Variants in PCDHA5 observed in about 807,000 individuals in gnomAD.
PCDHA5 encodes protocadherin alpha 5.
A neutral mutation model predicts 61.6 loss-of-function variants in PCDHA5; 43 were observed. The observed-to-expected ratio is 0.70, with a 90% CI of 0.55 to 0.90. The LOEUF is 0.90. Among genes scored for constraint, PCDHA5 ranks in the 40% least tolerant of loss-of-function variants. The pLI is 0.00. For missense variants in PCDHA5, 1,298 were observed against 1,222.7 expected (o/e 1.06, Z -0.92); for synonymous variants, 627 against 543.9 (o/e 1.15, Z -2.13).
At chr5:140,863,248 G>T (rs782700291) in intron 1 of PCDHA5, 54 of 1,395,948 alleles carry the variant, frequency 3.9e-5, no homozygotes, top group Middle Eastern at 1.9e-4. Flanking sequence ...TTTGGCGGGC[G>T]TCGAGGTCCG....
At chr5:140,876,368 CA>C in intron 1 of PCDHA5, 1 of 1,613,904 alleles carries the variant, frequency 6.2e-7, no homozygotes. Flanking sequence ...AATCCAGACA[CA>C]GGTGAAATTA....
chr5:140,857,464 C>T lies in PCDHA5; in HGVS notation c.2352+33337C>T. On this transcript the variant is annotated intron_variant, in intron 1 of 3. Transcript: ENST00000529859. ...AGGAGAACAACCCGCCAGGCTGCCACATCTTCACGGTGTCTGCGTGGGACG... is the reference window on the plus strand; with the variant it reads ...AGGAGAACAACCCGCCAGGCTGCCATATCTTCACGGTGTCTGCGTGGGACG... 1.9e-6 allele frequency: 3 copies of T among 1,598,642 alleles called. 1 individual carries two copies. The South Asian group carries it at 3.3e-5, about 18-fold the overall frequency.
intron 3 of PCDHA5, among the ~76,000 whole-genome samples, chr5:140,985,001 G>A (rs1554246727): frequency 1.3e-5 from 2 of 151,944 alleles, no homozygotes; most frequent in South Asian, 2.1e-4. Flanking sequence ...CCAGTGGCAC[G>A]ATATCGGCTC....
intron 1 of PCDHA5, among the ~76,000 whole-genome samples, chr5:140,945,356 G>A (rs1294877669): frequency 1.1e-4 from 16 of 151,976 alleles, no homozygotes; most frequent in Non-Finnish European, 1.9e-4. Flanking sequence ...AATTAATACT[G>A]TTTAAAATGT....
At chr5:140,881,340 C>T (rs782406068) in intron 1 of PCDHA5, 10 of 984,934 alleles carry the variant, frequency 1.0e-5, no homozygotes, top group African/African-American at 5.2e-5. Context: ...GACGCCGATT[C>T]GGGCTACAAT....
chr5:140,977,839 C>G (rs1400370638), intron 1 of PCDHA5, among the ~76,000 whole-genome samples: 1 of 152,176 alleles, frequency 6.6e-6, no homozygotes, highest in South Asian at 2.1e-4. Context: ...ATTGATATTA[C>G]TATGGCTTTG....
At chr5:140,858,414 T>C (rs2045398069) in intron 1 of PCDHA5, 1 of 1,562,782 alleles carries the variant, frequency 6.4e-7, no homozygotes. Flanking sequence ...GATCAGTCTA[T>C]TGGAGGGGAC....
chr5:140,877,334 C>A (rs375199455), intron 1 of PCDHA5: 13 of 1,614,002 alleles, frequency 8.1e-6, no homozygotes, highest in Non-Finnish European at 1.0e-5. Flanking sequence ...GCGCACATCC[C>A]GTTCCACGTG....
intron 1 of PCDHA5, among the ~76,000 whole-genome samples, chr5:140,907,205 G>T (rs549918744): frequency 2.0e-5 from 3 of 152,196 alleles, no homozygotes; most frequent in East Asian, 3.9e-4. Context: ...GGAGAATTTT[G>T]CCCCAGCCCT....
At chr5:140,899,193 G>T (rs2153463118) in intron 1 of PCDHA5, among the ~76,000 whole-genome samples, 1 of 151,990 alleles carries the variant, frequency 6.6e-6, no homozygotes, top group Middle Eastern at 3.4e-3. Context: ...TCCTTCTCCT[G>T]CCTAATTGCC....
intron 1 of PCDHA5, chr5:140,825,152 A>C (rs1554130155): frequency 1.3e-5 from 2 of 151,900 alleles, no homozygotes; most frequent in East Asian, 1.9e-4. Context: ...TATTGATTTT[A>C]ATCTTGCTTT....
intron 1 of PCDHA5, among the ~76,000 whole-genome samples, chr5:140,909,245 G>T (rs189143592): frequency 2.6e-5 from 4 of 152,288 alleles, no homozygotes; most frequent in African/African-American, 7.2e-5. Flanking sequence ...AAGATATATT[G>T]CTGGCCTTGC....
chr5:140,971,451 T>C (rs1442240847), intron 1 of PCDHA5, among the ~76,000 whole-genome samples: 2 of 152,110 alleles, frequency 1.3e-5, no homozygotes, highest in East Asian at 1.9e-4. Flanking sequence ...GCTCCAGAAA[T>C]TTTTGCAGTT....
At chr5:140,841,749 C>T in intron 1 of PCDHA5, 1 of 1,613,878 alleles carries the variant, frequency 6.2e-7, no homozygotes, top group Non-Finnish European at 8.5e-7. Flanking sequence ...CTGTTTGTTT[C>T]AGAATCCAGA....
chr5:140,969,286 T>C (rs2096315830), intron 1 of PCDHA5: 3 of 1,614,076 alleles, frequency 1.9e-6, no homozygotes, highest in Admixed American at 1.7e-5. Flanking sequence ...GTCAGAATGC[T>C]GGGAACCTGA....
At chr5:140,967,894 G>A (rs1586251835) in intron 1 of PCDHA5, 5 of 1,614,192 alleles carry the variant, frequency 3.1e-6, no homozygotes, top group Non-Finnish European at 3.4e-6. Context: ...CAGTGCCTGA[G>A]AATGCTACAC....
At chr5:140,973,972 G>A (rs1467007704) in intron 1 of PCDHA5, among the ~76,000 whole-genome samples, 1 of 152,186 alleles carries the variant, frequency 6.6e-6, no homozygotes, top group Non-Finnish European at 1.5e-5. Flanking sequence ...TTTAAATGTG[G>A]CTTTTACAGA....
At chr5:140,839,449 G>A (rs1251929255) in intron 1 of PCDHA5, among the ~76,000 whole-genome samples, 1 of 151,836 alleles carries the variant, frequency 6.6e-6, no homozygotes, top group African/African-American at 2.4e-5. Context: ...CAGTGCAGTG[G>A]CACAATCTGG....
intron 1 of PCDHA5, among the ~76,000 whole-genome samples, chr5:140,837,963 AC>A (rs1775339746): frequency 6.6e-6 from 1 of 151,764 alleles, no homozygotes; most frequent in Non-Finnish European, 1.5e-5. Context: ...ACAGACACGA[AC>A]AACCACACCC....
Sources: allele counts gnomAD v4.1 joint callset (sites outside exome capture counted in the v4.1 genomes callset), GRCh38; gene constraint gnomAD v4.1.1; transcripts MANE v1.5; gene names NCBI Gene and HGNC (gene_info 2026-07-23, HGNC 2026-07-21).